The following LRRK2 variants were observed in gnomAD, a reference collection of about 807,000 sequenced individuals.
LRRK2 encodes leucine-rich repeat serine/threonine-protein kinase 2.
LRRK2 carries 203 observed loss-of-function variants against 302.6 expected under a neutral mutation model. The observed-to-expected ratio is 0.67, with a 90% CI of 0.60 to 0.75. The LOEUF is 0.75. LRRK2 is among the 30% of genes least tolerant of loss of function. The pLI is 0.00. For missense variants in LRRK2, 2,830 were observed against 2,951.0 expected (o/e 0.96, Z 0.95); for synonymous variants, 1,066 against 1,031.9 (o/e 1.03, Z -0.63).
At position 40,322,066 on chromosome 12, in the gene LRRK2, G is replaced by A. The variant is rs1945418982; in HGVS notation, c.5202G>A (p.Trp1734Ter). 2 of 1,613,206 alleles carry A rather than the reference G, an allele frequency of 1.2e-6. No homozygotes were observed. The highest frequency in any genetic ancestry group is 2.7e-5 in the African/African-American group (2 of 74,840). Reference sequence around the variant, plus strand: ...CACTTCGCCCAAACAGAATGTATTGGCGACAAGGCATTTACTTAAATTGGT... The same window carrying A: ...CACTTCGCCCAAACAGAATGTATTGACGACAAGGCATTTACTTAAATTGGT... Reference protein sequence around the residue: ...ERALRPNRMYWRQGIYLNWSP... With the variant: ...ERALRPNRMY The change falls in exon 36 of 51, where the codon TGG (tryptophan) becomes TGA (stop). Residue 1734 changes from tryptophan (W) to a stop codon, truncating the protein, a stop_gained. Transcript: ENST00000298910. LOFTEE classifies it high-confidence loss of function.
chr12:40,299,377 A>C (rs960272801), intron 25 of LRRK2, 120 bp downstream of exon 25: 2 of 1,110,414 alleles, frequency 1.8e-6, no homozygotes, highest in African/African-American at 1.6e-5. Context: ...ATTATGCTGG[A>C]TTTAAAAAAT....
At chr12:40,245,450 T>C (rs1941936869) in intron 7 of LRRK2, among the ~76,000 whole-genome samples, 1 of 152,140 alleles carries the variant, frequency 6.6e-6, no homozygotes, top group Non-Finnish European at 1.5e-5. Context: ...AAATTAATAG[T>C]TCTGTAAGTC....
intron 2 of LRRK2, chr12:40,227,784 A>G (rs532104079): frequency 1.3e-5 from 2 of 152,292 alleles, no homozygotes; most frequent in African/African-American, 4.8e-5. Context: ...CAGGCCTGCA[A>G]TCCTGGGCTG....
At chr12:40,339,481 T>C (rs1317045511) in intron 40 of LRRK2, among the ~76,000 whole-genome samples, 1 of 152,206 alleles carries the variant, frequency 6.6e-6, no homozygotes, top group African/African-American at 2.4e-5. Context: ...ACTGTTTTTT[T>C]ATATTAACTA....
intron 39 of LRRK2, among the ~76,000 whole-genome samples, chr12:40,333,961 G>GC (rs1945792437): frequency 6.6e-6 from 1 of 152,074 alleles, no homozygotes; most frequent in South Asian, 2.1e-4. Flanking sequence ...AAGGCCTGGG[G>GC]CATGATCAGA....
At chr12:40,311,954 T>C (rs900800120) in intron 31 of LRRK2, among the ~76,000 whole-genome samples, 1 of 119,438 alleles carries the variant, frequency 8.4e-6, no homozygotes, top group Non-Finnish European at 1.8e-5. Context: ...ATTAATCTCT[T>C]AATCCAGGTG....
At chr12:40,355,549 T>TC (rs754028820) in intron 45 of LRRK2, among the ~76,000 whole-genome samples, 66,738 of 98,142 alleles carry the variant, frequency 0.68, 22,912 homozygotes, top group Non-Finnish European at 0.78. Context: ...TCCTTCTTCT[T>TC]TTTTTTTTTT....
chr12:40,252,306 A>C (rs541664588), intron 10 of LRRK2, among the ~76,000 whole-genome samples: 1 of 152,350 alleles, frequency 6.6e-6, no homozygotes, highest in African/African-American at 2.4e-5. Flanking sequence ...GCTGATAAGA[A>C]GGGAATTAAT....
intron 18 of LRRK2, among the ~76,000 whole-genome samples, chr12:40,280,078 G>T (rs533776974): frequency 6.6e-6 from 1 of 152,078 alleles, no homozygotes; most frequent in East Asian, 1.9e-4. Flanking sequence ...TTTAATACTG[G>T]GTATGCAAAT....
chr12:40,283,367 A>C (rs1416613316), intron 18 of LRRK2, among the ~76,000 whole-genome samples: 1 of 152,200 alleles, frequency 6.6e-6, no homozygotes, highest in Non-Finnish European at 1.5e-5. Flanking sequence ...GCTTGTCTTG[A>C]GGAGCTCAGG....
At chr12:40,313,514 T>G (rs1205463830) in intron 31 of LRRK2, among the ~76,000 whole-genome samples, 1 of 151,988 alleles carries the variant, frequency 6.6e-6, no homozygotes, top group Non-Finnish European at 1.5e-5. Context: ...CAATATAACA[T>G]TTTACAAATA....
intron 18 of LRRK2, 151 bp downstream of exon 18, chr12:40,278,412 T>C (rs1943551893): frequency 1.0e-6 from 1 of 966,350 alleles, no homozygotes; most frequent in Non-Finnish European, 1.6e-6. Flanking sequence ...GTAGTAGATT[T>C]ATAGAATTCC....
At chr12:40,284,351 A>G (rs1943832029) in intron 19 of LRRK2, among the ~76,000 whole-genome samples, 1 of 151,566 alleles carries the variant, frequency 6.6e-6, no homozygotes, top group Admixed American at 6.6e-5. Flanking sequence ...ATAGAGCAAA[A>G]TAGTGGAAGC....
chr12:40,325,321 G>C (rs554974781), intron 38 of LRRK2, among the ~76,000 whole-genome samples: 4 of 152,144 alleles, frequency 2.6e-5, no homozygotes, highest in Admixed American at 2.0e-4. Flanking sequence ...AGTCTGTTTA[G>C]CTACCCATAT....
rs764178635 is a variant in LRRK2, at chr12:40,257,260, A to G, written c.1301A>G (p.Lys434Arg). The stretch of plus-strand genomic sequence containing the variant: ...TAAAAAATCTCAGTTAATTTCAGAA[A>G]AATACTGTTATCAAAAGGAATACAC... Reference protein sequence around the residue: ...TLLEQNVNFRKILLSKGIHLN... With the variant: ...TLLEQNVNFRRILLSKGIHLN... Residue 434 changes from lysine (K) to arginine (R), a missense_variant, in exon 12 of 51, where the codon AAA (lysine) becomes AGA (arginine). Lys to Arg is a conservative substitution (Grantham distance 26). Around this residue, in one of 3 missense-constraint regions of LRRK2, gnomAD observed 2,121 missense variants for 2,148.0 expected, o/e 0.99. Coordinates refer to ENST00000298910, the MANE Select transcript of LRRK2 (RefSeq NM_198578.4). 1 of 1,568,928 alleles carries G rather than the reference A, an allele frequency of 6.4e-7. No homozygotes were observed. Among genetic ancestry groups the G allele is most frequent in the African/African-American group, 1.4e-5 (1 of 73,912 alleles).
At chr12:40,315,353 GA>G in intron 33 of LRRK2, 53 bp downstream of exon 33, 1 of 1,412,954 alleles carries the variant, frequency 7.1e-7, no homozygotes, top group South Asian at 1.1e-5. Context: ...GCATAGAACA[GA>G]TGGCGCCCAG....
At chr12:40,310,748 G>T in intron 31 of LRRK2, 99 bp downstream of exon 31, 1 of 1,248,948 alleles carries the variant, frequency 8.0e-7, no homozygotes. Context: ...TAAAATTGTG[G>T]GTTTTCTTTC....
At chr12:40,256,970 A>G (rs562372081) in intron 11 of LRRK2, among the ~76,000 whole-genome samples, 1 of 152,258 alleles carries the variant, frequency 6.6e-6, no homozygotes, top group Non-Finnish European at 1.5e-5. Flanking sequence ...CACAATGGAC[A>G]GAGACACGGT....
At chr12:40,238,340 T>C (rs951429332) in intron 5 of LRRK2, among the ~76,000 whole-genome samples, 13 of 152,146 alleles carry the variant, frequency 8.5e-5, no homozygotes, top group Admixed American at 3.3e-4. Context: ...TTTCTTCAAT[T>C]GCTTAACAAG....
Sources: gnomAD v4.1 joint callset for allele counts (sites outside exome capture counted in the v4.1 genomes callset) on GRCh38, gnomAD v4.1.1 for gene constraint, gnomAD v4.1.1 regional missense constraint, MANE v1.5 for transcripts, NCBI Gene and HGNC (gene_info 2026-07-23, HGNC 2026-07-21) for gene names.